Variants in EIF3H observed in about 807,000 individuals in gnomAD.
EIF3H encodes the protein eIF-3-gamma.
A neutral mutation model predicts 44.2 loss-of-function variants in EIF3H; 26 were observed. That is an observed-to-expected ratio of 0.59 (90% CI 0.43 to 0.82). The LOEUF is 0.82. Ranked by LOEUF, EIF3H falls within the 40% of genes least tolerant of loss-of-function variation. EIF3H has a pLI of 0.00. For missense variants in EIF3H, 359 were observed against 432.8 expected, an observed-to-expected ratio of 0.83 and a Z score of 1.51; for synonymous variants, 166 against 151.9, an observed-to-expected ratio of 1.09 and a Z score of -0.68.
chr8:116,703,027 G>C (rs1814405458), intron 2 of EIF3H, among the ~76,000 whole-genome samples: 1 of 152,258 alleles, frequency 6.6e-6, no homozygotes, highest in East Asian at 1.9e-4. Flanking sequence ...AAGCCACCCA[G>C]GTGCCAAGGC....
At chr8:116,745,331 C>T (rs1487588454) in intron 1 of EIF3H, among the ~76,000 whole-genome samples, 1 of 152,182 alleles carries the variant, frequency 6.6e-6, no homozygotes, top group Admixed American at 6.5e-5. Context: ...CATTCAGGTT[C>T]TCTTTATTAC....
intron 1 of EIF3H, among the ~76,000 whole-genome samples, chr8:116,740,356 G>A (rs1815109336): frequency 6.6e-6 from 1 of 152,178 alleles, no homozygotes; most frequent in Non-Finnish European, 1.5e-5. Flanking sequence ...CAGTAGTTGA[G>A]AAGAGCAAGA....
chr8:116,674,001 C>T (rs371523899), intron 2 of EIF3H, among the ~76,000 whole-genome samples: 1 of 119,844 alleles, frequency 8.3e-6, no homozygotes, highest in African/African-American at 3.2e-5. Flanking sequence ...ACCTGGGAGG[C>T]GGAGCTTGCA....
intron 2 of EIF3H, among the ~76,000 whole-genome samples, chr8:116,707,336 T>G (rs1814488210): frequency 6.6e-6 from 1 of 152,166 alleles, no homozygotes; most frequent in Non-Finnish European, 1.5e-5. Flanking sequence ...ACCTTAAATA[T>G]TTCATATTTT....
intron 2 of EIF3H, among the ~76,000 whole-genome samples, chr8:116,716,734 T>C (rs1011635682): frequency 1.3e-5 from 2 of 151,974 alleles, no homozygotes; most frequent in Non-Finnish European, 2.9e-5. Context: ...ATGAAGCCAT[T>C]AAAAAATATG....
intron 2 of EIF3H, among the ~76,000 whole-genome samples, chr8:116,695,367 C>T (rs1214032866): frequency 4.6e-5 from 7 of 152,156 alleles, no homozygotes; most frequent in Admixed American, 2.0e-4. Flanking sequence ...GCCACCACGC[C>T]CACTGCTCCT....
At chr8:116,662,678 T>C (rs531633152) in intron 2 of EIF3H, among the ~76,000 whole-genome samples, 1 of 152,118 alleles carries the variant, frequency 6.6e-6, no homozygotes, top group Non-Finnish European at 1.5e-5. Context: ...CTGCAAAAGC[T>C]TCCTGGTAAA....
intron 2 of EIF3H, among the ~76,000 whole-genome samples, chr8:116,700,293 T>C (rs1814351938): frequency 6.6e-6 from 1 of 152,186 alleles, no homozygotes; most frequent in Admixed American, 6.5e-5. Context: ...TGAAACAAAA[T>C]ATTAAAATCC....
At chr8:116,686,369 C>T (rs997119668) in intron 2 of EIF3H, among the ~76,000 whole-genome samples, 3 of 152,078 alleles carry the variant, frequency 2.0e-5, no homozygotes, top group African/African-American at 7.2e-5. Flanking sequence ...TCCTGACTAC[C>T]TACTTATCAG....
intron 1 of EIF3H, among the ~76,000 whole-genome samples, chr8:116,763,616 A>G (rs1193014916): frequency 6.6e-6 from 1 of 152,226 alleles, no homozygotes; most frequent in East Asian, 1.9e-4. Flanking sequence ...GGACCTCAAT[A>G]CAAAGTGCTT....
intron 1 of EIF3H, among the ~76,000 whole-genome samples, chr8:116,727,474 GATATCATAAC>G (rs1424744169): frequency 6.6e-6 from 1 of 152,178 alleles, no homozygotes; most frequent in African/African-American, 2.4e-5. Flanking sequence ...AAGTTTGACT[GATATCATAAC>G]ACACTGTATC....
At chr8:116,712,122 C>T (rs1814582491) in intron 2 of EIF3H, among the ~76,000 whole-genome samples, 1 of 152,202 alleles carries the variant, frequency 6.6e-6, no homozygotes, top group South Asian at 2.1e-4. Flanking sequence ...GCCGCTGCTG[C>T]TGCTGTCATT....
chr8:116,704,276 TA>T (rs974045126), intron 2 of EIF3H, among the ~76,000 whole-genome samples: 1 of 152,184 alleles, frequency 6.6e-6, no homozygotes, highest in Non-Finnish European at 1.5e-5. Flanking sequence ...ACTCAACTCT[TA>T]AAAGAGCCAT....
intron 2 of EIF3H, among the ~76,000 whole-genome samples, chr8:116,722,064 G>A (rs1362670236): frequency 6.6e-6 from 1 of 152,146 alleles, no homozygotes; most frequent in African/African-American, 2.4e-5. Context: ...TGGTTTGGCT[G>A]TGTTGCCACC....
chr8:116,669,185 T>G (rs1463417724), intron 2 of EIF3H, among the ~76,000 whole-genome samples: 1 of 152,148 alleles, frequency 6.6e-6, no homozygotes, highest in Non-Finnish European at 1.5e-5. Context: ...CTAAAAACAC[T>G]AAGCTAATTA....
At chr8:116,715,197 G>A (rs1488085744) in intron 2 of EIF3H, among the ~76,000 whole-genome samples, 1 of 151,902 alleles carries the variant, frequency 6.6e-6, no homozygotes, top group African/African-American at 2.4e-5. Context: ...CCTCTGAAAG[G>A]ATTGATTCTA....
intron 2 of EIF3H, among the ~76,000 whole-genome samples, chr8:116,671,177 G>T (rs1002688246): frequency 2.0e-5 from 3 of 152,160 alleles, no homozygotes; most frequent in Admixed American, 2.0e-4. Flanking sequence ...TCTAGGGAAG[G>T]ACTATCTTTG....
At chr8:116,654,077 A>G (rs1013431365) in intron 5 of EIF3H, among the ~76,000 whole-genome samples, 18 of 152,222 alleles carry the variant, frequency 1.2e-4, no homozygotes, top group African/African-American at 3.6e-4. Flanking sequence ...TTAAAATAGT[A>G]TGGTCGATTT....
chr8:116,667,867 A>C (rs1813694413), intron 2 of EIF3H, among the ~76,000 whole-genome samples: 1 of 152,154 alleles, frequency 6.6e-6, no homozygotes, highest in African/African-American at 2.4e-5. Flanking sequence ...CTAGGCCTTA[A>C]TTTCCTCACC....
Sources: allele counts gnomAD v4.1 joint callset (sites outside exome capture counted in the v4.1 genomes callset), GRCh38; gene constraint gnomAD v4.1.1; transcripts MANE v1.5; gene names NCBI Gene and HGNC (gene_info 2026-07-23, HGNC 2026-07-21).